The following MGMT variants were observed in gnomAD, a reference collection of about 807,000 sequenced individuals.
MGMT encodes O-6-methylguanine-DNA methyltransferase.
MGMT carries 14 observed loss-of-function variants against 15.9 expected under a neutral mutation model. The ratio of observed to expected loss-of-function variants is 0.88; its 90% CI spans 0.58 to 1.37. The LOEUF (loss-of-function observed/expected upper bound fraction) is 1.37. Ranked by LOEUF, MGMT falls within the 40% of genes most tolerant of loss-of-function variation. The pLI is 0.00. For synonymous variants in MGMT, 130 were observed against 118.2 expected (o/e 1.10, Z -0.65); for missense variants, 282 against 268.1 (o/e 1.05, Z -0.36).
intron 2 of MGMT, among the ~76,000 whole-genome samples, chr10:129,632,660 A>AT (rs1847223887): frequency 6.6e-6 from 1 of 152,112 alleles, no homozygotes; most frequent in Non-Finnish European, 1.5e-5. Context: ...TGTCGGCCCG[A>AT]TTCTTTGGTA....
At chr10:129,579,668 T>G (rs1469158152) in intron 2 of MGMT, among the ~76,000 whole-genome samples, 2 of 152,244 alleles carry the variant, frequency 1.3e-5, no homozygotes, top group African/African-American at 2.4e-5. Flanking sequence ...ATTTTGAGTT[T>G]CTTCTTCTGG....
intron 1 of MGMT, among the ~76,000 whole-genome samples, chr10:129,496,289 G>A (rs968747582): frequency 6.6e-6 from 1 of 152,108 alleles, no homozygotes; most frequent in African/African-American, 2.4e-5. Flanking sequence ...AAGCTGGTCC[G>A]ATTCTTGCCT....
chr10:129,554,126 G>A (rs1846187946), intron 2 of MGMT, among the ~76,000 whole-genome samples: 1 of 152,238 alleles, frequency 6.6e-6, no homozygotes, highest in African/African-American at 2.4e-5. Flanking sequence ...CTGGCCCTGT[G>A]GCCGGCCAGG....
rs1389157788 is a variant in MGMT at position 129,687,692 on chromosome 10, G to A, written c.126-20203G>A. 1.7e-4 allele frequency among the ~76,000 whole-genome samples: 24 copies of A among 141,288 alleles called. No homozygotes were observed. The Admixed American group carries it at 1.7e-3, about 10-fold the overall frequency. 92.7% of individuals were successfully genotyped at this position (141,288 alleles called of 152,430 possible). Reference sequence around the variant, plus strand: ...GGGCATGTCTGGGAAACTCACATGTGTAGCCCTTTTTTTTTTTTTTTATAC... The same window carrying A: ...GGGCATGTCTGGGAAACTCACATGTATAGCCCTTTTTTTTTTTTTTTATAC... On this transcript the variant is annotated intron_variant, in intron 2 of 4. Coordinates refer to ENST00000651593, the MANE Select transcript of MGMT (RefSeq NM_002412.5).
chr10:129,525,386 G>T (rs1251239604), intron 1 of MGMT, among the ~76,000 whole-genome samples: 1 of 152,154 alleles, frequency 6.6e-6, no homozygotes, highest in African/African-American at 2.4e-5. Flanking sequence ...TTCCTTAGAT[G>T]TCCGTCTGCT....
chr10:129,628,323 A>T (rs1165863986), intron 2 of MGMT, among the ~76,000 whole-genome samples: 1 of 152,232 alleles, frequency 6.6e-6, no homozygotes, highest in Non-Finnish European at 1.5e-5. Context: ...AAAAAGTGGA[A>T]AAACACTAGG....
At chr10:129,471,148 A>G (rs1456544323) in intron 1 of MGMT, among the ~76,000 whole-genome samples, 1 of 152,190 alleles carries the variant, frequency 6.6e-6, no homozygotes, top group Non-Finnish European at 1.5e-5. Flanking sequence ...TTTTTATTAT[A>G]GACATCGTTC....
chr10:129,500,743 G>A (rs1051332771), intron 1 of MGMT, among the ~76,000 whole-genome samples: 1 of 152,032 alleles, frequency 6.6e-6, no homozygotes, highest in African/African-American at 2.4e-5. Context: ...TAGAGACAGT[G>A]CTTCACCATG....
rs908640391 is a variant in MGMT, at chr10:129,659,633, C to T, written c.126-48262C>T. 4.6e-5 allele frequency among the ~76,000 whole-genome samples: 7 copies of T among 152,162 alleles called. No individual in the cohort carries two copies. The highest frequency in any genetic ancestry group is 1.4e-4 in the African/African-American group (6 of 41,434). On this transcript the variant is annotated intron_variant, in intron 2 of 4. Coordinates refer to ENST00000651593, the MANE Select transcript of MGMT (RefSeq NM_002412.5). The surrounding 1 kb of genome is among the most constrained non-coding windows in gnomAD (Gnocchi z 4.1). ...GGTGAGGAAGTAGCATGTACAAAGG[C>T]CCTGAAGATGAATGACTGTGTGAAA...
At chr10:129,614,649 G>A (rs762204930) in intron 2 of MGMT, among the ~76,000 whole-genome samples, 3 of 152,202 alleles carry the variant, frequency 2.0e-5, no homozygotes, top group African/African-American at 4.8e-5. Context: ...CTGGACCATT[G>A]CACTTGGTCT....
At chr10:129,763,515 G>C (rs1384676834) in intron 4 of MGMT, among the ~76,000 whole-genome samples, 1 of 152,172 alleles carries the variant, frequency 6.6e-6, no homozygotes, top group African/African-American at 2.4e-5. Context: ...CTGCATTGAT[G>C]TACAGGAAGA....
intron 2 of MGMT, among the ~76,000 whole-genome samples, chr10:129,550,448 CT>C (rs58863411): frequency 0.94 from 123,965 of 131,192 alleles, 58,604 homozygotes; most frequent in East Asian, 0.98. Flanking sequence ...TGTTTTGATT[CT>C]TTTTTTTTTT....
chr10:129,615,301 G>C (rs1329811719), intron 2 of MGMT, among the ~76,000 whole-genome samples: 3 of 152,214 alleles, frequency 2.0e-5, no homozygotes. Context: ...TGCTTGGGCA[G>C]ACGCCTCCCT....
At chr10:129,665,303 ACTCTCT>A (rs200511842) in intron 2 of MGMT, among the ~76,000 whole-genome samples, 5 of 131,708 alleles carry the variant, frequency 3.8e-5, no homozygotes, top group Non-Finnish European at 8.2e-5. Context: ...CTCTCTCCCA[ACTCTCT>A]CTCTCTCTCT....
intron 2 of MGMT, among the ~76,000 whole-genome samples, chr10:129,676,321 G>A (rs940726573): frequency 1.3e-5 from 2 of 152,200 alleles, no homozygotes; most frequent in African/African-American, 2.4e-5. Context: ...GCTCGGTGTG[G>A]GCGGCACCCA....
chr10:129,588,627 T>G (rs992402922), intron 2 of MGMT, among the ~76,000 whole-genome samples: 3 of 152,158 alleles, frequency 2.0e-5, no homozygotes, highest in East Asian at 1.9e-4. Flanking sequence ...GTGAGTAGCA[T>G]GGGCCCCCGA....
intron 2 of MGMT, chr10:129,701,161 T>C (rs1456036878): frequency 2.6e-5 from 4 of 152,258 alleles, no homozygotes; most frequent in Non-Finnish European, 5.9e-5. Flanking sequence ...CACAGCCTCA[T>C]GGAAGCCTTG....
At chr10:129,551,622 T>A (rs958928292) in intron 2 of MGMT, among the ~76,000 whole-genome samples, 1 of 152,220 alleles carries the variant, frequency 6.6e-6, no homozygotes, top group African/African-American at 2.4e-5. Context: ...TCTTCTACAC[T>A]GATATTCTAT....
chr10:129,584,130 A>G (rs997991256), intron 2 of MGMT, among the ~76,000 whole-genome samples: 2 of 152,220 alleles, frequency 1.3e-5, no homozygotes, highest in African/African-American at 4.8e-5. Context: ...TGAGGCCTGG[A>G]TCATCATCAG....
Sources: gnomAD v4.1 joint callset for allele counts (sites outside exome capture counted in the v4.1 genomes callset) on GRCh38, gnomAD v4.1.1 for gene constraint, Gnocchi (gnomAD v3.1) non-coding constraint, MANE v1.5 for transcripts, NCBI Gene and HGNC (gene_info 2026-07-23, HGNC 2026-07-21) for gene names.